The following EPB41L1 variants were observed in gnomAD, a reference collection of about 807,000 sequenced individuals.
EPB41L1 encodes band 4.1-like protein 1.
In EPB41L1, 29 loss-of-function variants were observed where a neutral mutation model predicts 97.8. That is an observed-to-expected ratio of 0.30 (90% confidence interval 0.22 to 0.40). EPB41L1 has a LOEUF of 0.40. Among genes scored for constraint, EPB41L1 ranks in the 10% least tolerant of loss-of-function variants. The probability of loss-of-function intolerance (pLI) is 1.00; values close to 1 mark genes in which losing one functional copy is unlikely to be tolerated. For missense variants in EPB41L1, 812 were observed against 1,162.3 expected (o/e 0.70, Z 4.38); for synonymous variants, 383 against 459.2 (o/e 0.83, Z 2.12).
At chr20:36,226,036 T>C (rs868459684) in intron 21 of EPB41L1, among the ~76,000 whole-genome samples, 3 of 152,330 alleles carry the variant, frequency 2.0e-5, no homozygotes, top group Non-Finnish European at 4.4e-5. Context: ...GAAGTTTCTC[T>C]CCCTTGCCTT....
At chr20:36,143,497 T>A (rs2059720271) in intron 2 of EPB41L1, among the ~76,000 whole-genome samples, 2 of 152,156 alleles carry the variant, frequency 1.3e-5, no homozygotes, top group South Asian at 4.1e-4. Context: ...GCTCATCGTC[T>A]TAGTGAAGTC....
intron 1 of EPB41L1, among the ~76,000 whole-genome samples, chr20:36,160,467 C>T (rs560146325): frequency 6.6e-6 from 1 of 152,156 alleles, no homozygotes; most frequent in South Asian, 2.1e-4. Flanking sequence ...CGCCTGTAAT[C>T]CCAGCTACTC....
intron 2 of EPB41L1, among the ~76,000 whole-genome samples, chr20:36,137,447 C>T (rs958246045): frequency 2.0e-5 from 3 of 152,082 alleles, no homozygotes; most frequent in Admixed American, 1.3e-4. Flanking sequence ...TCTCAAACTC[C>T]TGGGTTCAAG....
chr20:36,200,820 T>TCCTTC (rs2062454509), intron 14 of EPB41L1: 1 of 452,688 alleles, frequency 2.2e-6, no homozygotes, highest in African/African-American at 2.0e-5. Context: ...TCTCTGTCTC[T>TCCTTC]CCTTCCCTTC....
intron 3 of EPB41L1, among the ~76,000 whole-genome samples, chr20:36,176,713 C>T (rs555300118): frequency 1.3e-5 from 2 of 149,514 alleles, no homozygotes; most frequent in East Asian, 2.0e-4. Flanking sequence ...CTCCCTGCAA[C>T]CTCAATCTCC....
At chr20:36,098,106 A>C (rs2057892041) in intron 1 of EPB41L1, among the ~76,000 whole-genome samples, 1 of 152,160 alleles carries the variant, frequency 6.6e-6, no homozygotes, top group Non-Finnish European at 1.5e-5. Context: ...TACCTAGAAC[A>C]GGCTGTTCTA....
intron 9 of EPB41L1, among the ~76,000 whole-genome samples, chr20:36,189,660 C>A (rs1300075491): frequency 3.3e-5 from 5 of 152,206 alleles, no homozygotes; most frequent in African/African-American, 1.2e-4. Context: ...ACAGGAGCCC[C>A]TATGCCTTCC....
chr20:36,114,053 C>G (rs537313645), intron 2 of EPB41L1, among the ~76,000 whole-genome samples: 1 of 152,116 alleles, frequency 6.6e-6, no homozygotes, highest in African/African-American at 2.4e-5. Flanking sequence ...GCTAGTTGGC[C>G]GTGTGTCTAG....
upstream of EPB41L1, chr20:36,151,472 C>T (rs113812514): frequency 5.3e-4 from 80 of 152,298 alleles, no homozygotes; most frequent in African/African-American, 1.9e-3. Context: ...GGGCTGGAAG[C>T]AGAATTTGCA....
intron 14 of EPB41L1, among the ~76,000 whole-genome samples, chr20:36,204,636 C>T (rs1042260884): frequency 2.6e-5 from 4 of 151,744 alleles, no homozygotes; most frequent in African/African-American, 9.7e-5. Context: ...AGGTGTGAGC[C>T]ACCGCGCCTG....
Position 36,188,489 on chromosome 20 carries a change from G to A in EPB41L1, c.1016G>A (p.Arg339Gln), listed in dbSNP as rs1452717061. 2 of 1,613,042 alleles carry A rather than the reference G, an allele frequency of 1.2e-6. No homozygotes were observed. The highest frequency in any genetic ancestry group is 1.7e-6 in the Non-Finnish European group (2 of 1,179,770). Residue 339 changes from arginine (R) to glutamine (Q), a missense_variant, in exon 9 of 22, where the codon CGG (arginine) becomes CAG (glutamine). This residue lies in a region of EPB41L1 where 230 missense variants were observed against 445.2 expected (regional missense o/e 0.52). Coordinates refer to ENST00000338074, the MANE Select transcript of EPB41L1 (RefSeq NM_012156.2). ...AGGAGTAACTTCTATATCAAGATCC[G>A]GCCTGGGGAGGTGAGTCTGCCTTGG... The part of the protein sequence containing the change: ...YKRSNFYIKI[R>Q]PGEYEQFEST...
chr20:36,129,747 T>A (rs1211680674), intron 2 of EPB41L1, among the ~76,000 whole-genome samples: 3 of 152,168 alleles, frequency 2.0e-5, no homozygotes, highest in African/African-American at 7.2e-5. Flanking sequence ...TTTTTAATTT[T>A]AAAAATTCAA....
rs1361138837 is a variant in EPB41L1 at position 36,229,884 on chromosome 20, C to G, written c.*544C>G. On this transcript the variant is annotated 3_prime_UTR_variant, in exon 22 of 22. Transcript: ENST00000338074. ...AGAAGTCACAGCAGCAAGACACGCACAGTCAACCATTTTCCGAGAAAAAAA... is the reference window on the plus strand; with the variant it reads ...AGAAGTCACAGCAGCAAGACACGCAGAGTCAACCATTTTCCGAGAAAAAAA... The G allele has an allele frequency of 1.3e-5, 2 of 152,664 alleles. No individual in the cohort carries two copies. Among genetic ancestry groups the G allele is most frequent in the Admixed American group, 6.5e-5 (1 of 15,276 alleles). The allele number at this position is 152,664 out of a possible 1,614,324, so 9.5% of individuals were successfully genotyped here. A position where few individuals can be genotyped will look rare whatever the true frequency, so the allele number is the denominator to read the frequency against.
rs111865221 is a variant in EPB41L1 at position 36,194,234 on chromosome 20, G to A, written c.1323G>A (p.Ser441=). ...LDGAEFSRPA[S]VSENHDAGPD... ...CAGCAGAGTTCTCCCGCCCAGCCTC[G>A]GTCAGCGAGAACCATGATGCAGGGC... Residue 441 remains serine, a synonymous_variant, in exon 12 of 22, where the codon TCG becomes TCA. Transcript: ENST00000338074. 1.1e-3 allele frequency: 1,764 copies of A among 1,614,050 alleles called. 20 individuals are homozygous for A. The African/African-American group carries it at 0.02, about 18-fold the overall frequency.
chr20:36,189,548 C>T (rs1353240017), intron 9 of EPB41L1, among the ~76,000 whole-genome samples: 17 of 152,158 alleles, frequency 1.1e-4, no homozygotes, highest in Admixed American at 7.9e-4. Flanking sequence ...AGTATCTCCC[C>T]CTCTCGCTTC....
chr20:36,161,965 T>G (rs532763184), intron 1 of EPB41L1, among the ~76,000 whole-genome samples: 2 of 152,310 alleles, frequency 1.3e-5, no homozygotes, highest in South Asian at 4.1e-4. Flanking sequence ...TGTCTCGCTC[T>G]GTTGCCCAGA....
chr20:36,165,089 C>G (rs551000265), intron 1 of EPB41L1, among the ~76,000 whole-genome samples: 43 of 152,234 alleles, frequency 2.8e-4, no homozygotes, highest in African/African-American at 1.0e-3. Flanking sequence ...TCAAGCAATT[C>G]TTCTGCCTCA....
intron 1 of EPB41L1, among the ~76,000 whole-genome samples, chr20:36,161,792 ACT>A (rs1179292597): frequency 7.5e-6 from 1 of 132,632 alleles, no homozygotes; most frequent in Admixed American, 7.4e-5. Flanking sequence ...ACAGCCTGTC[ACT>A]CTGTCACCCA....
At chr20:36,152,907 A>C (rs1233911286), upstream of EPB41L1, 1 of 453,466 alleles carries the variant, frequency 2.2e-6, no homozygotes, top group African/African-American at 2.0e-5. Flanking sequence ...CAAGCAGGAC[A>C]CTCGTCCTTC....
Sources: allele counts gnomAD v4.1 joint callset (sites outside exome capture counted in the v4.1 genomes callset), GRCh38; gene constraint gnomAD v4.1.1; regional missense constraint gnomAD v4.1.1; transcripts MANE v1.5; gene names NCBI Gene and HGNC (gene_info 2026-07-23, HGNC 2026-07-21).